Variants in PCLO observed in about 807,000 individuals in gnomAD.
The protein encoded by PCLO is piccolo presynaptic cytomatrix protein, also known as protein piccolo.
A neutral mutation model predicts 427.5 loss-of-function variants in PCLO; 82 were observed. The observed-to-expected ratio is 0.19, with a 90% CI of 0.16 to 0.23. The LOEUF is 0.23. Among genes scored for constraint, PCLO ranks in the 10% least tolerant of loss-of-function variants. PCLO has a pLI of 1.00. For synonymous variants in PCLO, 2,357 were observed against 2,155.4 expected (o/e 1.09, Z -2.59); for missense variants, 6,239 against 6,115.9 (o/e 1.02, Z -0.67).
At chr7:82,922,637 T>A (rs189332820) in intron 6 of PCLO, among the ~76,000 whole-genome samples, 26 of 152,064 alleles carry the variant, frequency 1.7e-4, no homozygotes, top group African/African-American at 6.3e-4. Context: ...TCAGGTACTA[T>A]GCTCGTTACC....
At chr7:82,911,002 T>A (rs1425708426) in intron 7 of PCLO, among the ~76,000 whole-genome samples, 1 of 152,134 alleles carries the variant, frequency 6.6e-6, no homozygotes. Flanking sequence ...ATATCCTTTA[T>A]GATGTAGTAC....
chr7:82,879,385 T>C lies in PCLO; in HGVS notation c.13606A>G (p.Lys4536Glu). ...HSGEIGAYIA[K>E]ILPGGSAEQT... is the part of the protein sequence containing the mutation. ...TCCGCACTTCCCCCAGGAAGAATCT[T>C]GGCAATATAGGCTCCAATTTCTCCA... Residue 4536 changes from lysine to glutamate, a missense_variant, in exon 10 of 25, where the codon AAG (lysine) becomes GAG (glutamate). Transcript: ENST00000333891. 1.9e-6 allele frequency: 3 copies of C among 1,612,492 alleles called. No homozygotes were observed. Among genetic ancestry groups the C allele is most frequent in the Non-Finnish European group, 2.5e-6 (3 of 1,178,880 alleles).
intron 10 of PCLO, among the ~76,000 whole-genome samples, chr7:82,873,398 G>T (rs1365638313): frequency 6.6e-6 from 1 of 152,000 alleles, no homozygotes; most frequent in Non-Finnish European, 1.5e-5. Context: ...AAAAAAGTAG[G>T]AATAAGCTAT....
chr7:82,908,118 T>C (rs1184528097), intron 8 of PCLO, among the ~76,000 whole-genome samples: 2 of 152,058 alleles, frequency 1.3e-5, no homozygotes, highest in East Asian at 3.9e-4. Flanking sequence ...AAATATCTGA[T>C]CTGCTAAGGC....
At chr7:83,019,159 A>G (rs1292811993) in intron 3 of PCLO, among the ~76,000 whole-genome samples, 2 of 151,988 alleles carry the variant, frequency 1.3e-5, no homozygotes, top group African/African-American at 4.8e-5. Context: ...TGTCAATGTA[A>G]ATTTTGTGAA....
In PCLO at chr7:82,951,927, C is replaced by T; in HGVS notation, c.9026G>A (p.Ser3009Asn). The change falls in exon 5 of 25, where the codon AGT (serine) becomes AAT (asparagine). Residue 3009 changes from serine to asparagine, a missense_variant. Transcript: ENST00000333891. ...TTCAGAATAATCAAAAGCATTCTTACTTTTATAGAAAAAATGTCCAGCTTC... is the reference window on the plus strand; with the variant it reads ...TTCAGAATAATCAAAAGCATTCTTATTTTTATAGAAAAAATGTCCAGCTTC... Reference protein sequence around the residue: ...LAEAGHFFYKSKNAFDYSEGT... With the variant: ...LAEAGHFFYKNKNAFDYSEGT... 1 of 1,613,872 alleles carries T rather than the reference C, an allele frequency of 6.2e-7. No homozygotes were observed. Among genetic ancestry groups the T allele is most frequent in the Non-Finnish European group, 8.5e-7 (1 of 1,179,834 alleles).
In PCLO at chr7:82,755,108, G is replaced by T. The variant is rs767764600; in HGVS notation, c.*3467C>A. ...CACCACCACCGCTAATATCACTACTGCTACCACCACTATCATTACAGTCAT... is the reference window on the plus strand; with the variant it reads ...CACCACCACCGCTAATATCACTACTTCTACCACCACTATCATTACAGTCAT... On this transcript the variant is annotated 3_prime_UTR_variant, in exon 25 of 25. Coordinates refer to ENST00000333891, the MANE Select transcript of PCLO (RefSeq NM_033026.6). 6.6e-6 allele frequency: 1 copy of T among 151,774 alleles called. No individual in the cohort carries two copies. Among genetic ancestry groups the T allele is most frequent in the Non-Finnish European group, 1.5e-5 (1 of 67,920 alleles). 9.4% of individuals were successfully genotyped at this position (151,774 alleles called of 1,614,324 possible). A position where few individuals can be genotyped will look rare whatever the true frequency, so the allele number is the denominator to read the frequency against.
intron 6 of PCLO, among the ~76,000 whole-genome samples, chr7:82,928,539 C>A (rs530567094): frequency 6.6e-6 from 1 of 152,202 alleles, no homozygotes; most frequent in African/African-American, 2.4e-5. Flanking sequence ...TGCTACCACG[C>A]TCGGCTAATT....
intron 3 of PCLO, among the ~76,000 whole-genome samples, chr7:82,989,507 T>A (rs999800128): frequency 2.6e-5 from 4 of 152,090 alleles, no homozygotes; most frequent in African/African-American, 9.7e-5. Flanking sequence ...TTCATTTGAA[T>A]ATAATTTACT....
rs1166280385 is a variant in PCLO at position 82,952,145 on chromosome 7, T to A, written c.8808A>T (p.Arg2936Ser). 1 of 1,608,592 alleles carries A rather than the reference T, an allele frequency of 6.2e-7. No individual in the cohort carries two copies. The highest frequency in any genetic ancestry group is 1.4e-5 in the African/African-American group (1 of 72,740). ...AAACCACATCACAGCACACAGCTCTTCTCCCTGCGGTTAAATCAACGGGTT... is the reference window on the plus strand; with the variant it reads ...AAACCACATCACAGCACACAGCTCTACTCCCTGCGGTTAAATCAACGGGTT... ...DEKPVDLTAG[R>S]RAVCCDVVYK... is the part of the protein sequence containing the mutation. The change falls in exon 5 of 25, where the codon AGA (arginine) becomes AGT (serine). Residue 2936 changes from arginine (R) to serine (S), a missense_variant. By Grantham distance (110) the Arg-to-Ser change is moderately radical (BLOSUM62 -1). This residue lies in a region of PCLO where 4,677 missense variants were observed against 4,468.4 expected (regional missense o/e 1.05). Transcript: ENST00000333891.
Position 82,951,805 on chromosome 7 carries a change from G to A in PCLO, c.9097+51C>T, listed in dbSNP as rs553886276. 2.6e-6 allele frequency: 4 copies of A among 1,545,218 alleles called. No homozygotes were observed. The East Asian group carries it at 9.0e-5, about 35-fold the overall frequency. On this transcript the variant is annotated intron_variant, in intron 5 of 24. Transcript: ENST00000333891. ...CATTTTCATCCTGAAATGAGATGAGGAACACCATAATGATATTTCAAGGAA... is the reference window on the plus strand; with the variant it reads ...CATTTTCATCCTGAAATGAGATGAGAAACACCATAATGATATTTCAAGGAA...
At chr7:82,818,456 G>A (rs115498317) in intron 20 of PCLO, among the ~76,000 whole-genome samples, 1,537 of 152,210 alleles carry the variant, frequency 0.01, 28 homozygotes, top group African/African-American at 0.035. Context: ...GCTTCCTTTT[G>A]TTGGGTTAAA....
rs1366411213 is a variant in PCLO at position 82,794,211 on chromosome 7, GTTTA to G, written c.15007+7303_15007+7306del. Among the ~76,000 whole-genome samples, 5 of 151,822 alleles carry G rather than the reference GTTTA, an allele frequency of 3.3e-5. No individual in the cohort carries two copies. The East Asian group carries it at 9.7e-4, about 29-fold the overall frequency. On this transcript the variant is annotated intron_variant, in intron 22 of 24. Coordinates refer to ENST00000333891, the MANE Select transcript of PCLO (RefSeq NM_033026.6). The stretch of plus-strand genomic sequence containing the variant: ...ATTATTATGATGTCTCACGCTGCAA[GTTTA>G]TTTATTTCTTGTCTTTCTAATGTGG...
At chr7:83,053,677 T>C (rs1333065300) in intron 3 of PCLO, among the ~76,000 whole-genome samples, 1 of 151,964 alleles carries the variant, frequency 6.6e-6, no homozygotes. Flanking sequence ...TAAGTACACA[T>C]ACTGGTCTGG....
intron 22 of PCLO, among the ~76,000 whole-genome samples, chr7:82,762,220 A>C (rs1462828241): frequency 6.6e-6 from 1 of 152,086 alleles, no homozygotes; most frequent in Non-Finnish European, 1.5e-5. Flanking sequence ...GTTTCAATGG[A>C]GGCTAAAACA....
At chr7:82,816,225 G>C (rs1212565798) in intron 20 of PCLO, among the ~76,000 whole-genome samples, 3 of 152,052 alleles carry the variant, frequency 2.0e-5, no homozygotes, top group Non-Finnish European at 1.5e-5. Flanking sequence ...ATGAAAAGTG[G>C]AAAAATAACT....
chr7:82,993,766 A>G (rs1796433624), intron 3 of PCLO, among the ~76,000 whole-genome samples: 1 of 152,084 alleles, frequency 6.6e-6, no homozygotes. Flanking sequence ...AAACCAGCAA[A>G]GCTGTAAGAT....
chr7:82,932,484 TTC>T (rs1374073282), intron 6 of PCLO, among the ~76,000 whole-genome samples: 3 of 152,126 alleles, frequency 2.0e-5, no homozygotes, highest in African/African-American at 7.2e-5. Context: ...AGTGAGCAAG[TTC>T]TGAGATAGAA....
Position 83,134,984 on chromosome 7 carries a change from T to G in PCLO, c.2566A>C (p.Lys856Gln). The change falls in exon 3 of 25, where the codon AAG (lysine) becomes CAG (glutamine). Residue 856 changes from lysine (K) to glutamine (Q), a missense_variant. Physicochemically the swap from Lys to Gln is moderately conservative, Grantham distance 53 (BLOSUM62 1). Transcript: ENST00000333891. ...VDPVQKKEEP[K>Q]KAQTKMSPKP... ...GGACTCATTTTGGTTTGTGCTTTCT[T>G]GGGTTCTTCCTTCTTTTGTACGGGG... 1 of 1,613,308 alleles carries G rather than the reference T, an allele frequency of 6.2e-7. No homozygotes were observed. The highest frequency in any genetic ancestry group is 8.5e-7 in the Non-Finnish European group (1 of 1,179,732).
Sources: gnomAD v4.1 joint callset for allele counts (sites outside exome capture counted in the v4.1 genomes callset) on GRCh38, gnomAD v4.1.1 for gene constraint, gnomAD v4.1.1 regional missense constraint, MANE v1.5 for transcripts, NCBI Gene and HGNC (gene_info 2026-07-23, HGNC 2026-07-21) for gene names.